Variants in C12orf42 observed in about 807,000 individuals in gnomAD.
C12orf42 encodes the protein uncharacterized protein C12orf42.
C12orf42 carries 25 observed loss-of-function variants against 21.6 expected under a neutral mutation model. That is an observed-to-expected ratio of 1.16 (90% CI 0.84 to 1.62). The LOEUF (loss-of-function observed/expected upper bound fraction) is 1.62. Ranked by LOEUF, C12orf42 falls within the 40% of genes most tolerant of loss-of-function variation. C12orf42 has a pLI of 0.00. For synonymous variants in C12orf42, 174 were observed against 175.0 expected, an observed-to-expected ratio of 0.99 and a Z score of 0.05; for missense variants, 483 against 459.3, an observed-to-expected ratio of 1.05 and a Z score of -0.47.
rs763931253 is a variant in C12orf42, at chr12:103,294,568, A to AAAGGAAGG, written n.338-17366_338-17359dup. 7.8e-3 allele frequency among the ~76,000 whole-genome samples: 938 copies of AAAGGAAGG among 119,524 alleles called. 15 individuals are homozygous for AAAGGAAGG. Among genetic ancestry groups the AAAGGAAGG allele is most frequent in the African/African-American group, 0.021 (659 of 31,232 alleles). The allele number at this position is 119,524 out of a possible 152,430, so 78.4% of individuals were successfully genotyped here. On this transcript the variant is annotated intron_variant and non_coding_transcript_variant, in intron 4 of 6. Coordinates refer to the C12orf42 transcript ENST00000546526. The stretch of plus-strand genomic sequence containing the variant: ...AAGAAAGAAAGAAAGAAAGAAAAAG[A>AAAGGAAGG]AAGGAAGGAAGGAAGGAAAGAAAGA...
At chr12:103,417,825 T>G (rs2049498224) in intron 2 of C12orf42, among the ~76,000 whole-genome samples, 1 of 152,152 alleles carries the variant, frequency 6.6e-6, no homozygotes, top group Non-Finnish European at 1.5e-5. Context: ...AGATAATGAA[T>G]CATTGGATAA....
chr12:103,233,370 G>T (rs945777831), downstream of C12orf42, among the ~76,000 whole-genome samples: 1 of 152,102 alleles, frequency 6.6e-6, no homozygotes, highest in East Asian at 1.9e-4. Context: ...TAATCTTTGA[G>T]GATTTTGATT....
chr12:103,368,538 G>A (rs1285701744), intron 4 of C12orf42, among the ~76,000 whole-genome samples: 2 of 152,152 alleles, frequency 1.3e-5, no homozygotes, highest in African/African-American at 4.8e-5. Flanking sequence ...AAAGAAGAGC[G>A]TTTCTGTACT....
At chr12:103,205,969 T>C in the C12orf42 span, among the ~76,000 whole-genome samples, 1 of 152,204 alleles carries the variant, frequency 6.6e-6, no homozygotes, top group Non-Finnish European at 1.5e-5. Context: ...GATTCCCTCT[T>C]GACATCCCAT....
chr12:103,159,184 A>C, the C12orf42 span, among the ~76,000 whole-genome samples: 104 of 152,282 alleles, frequency 6.8e-4, no homozygotes, highest in East Asian at 0.017. Context: ...AGTATACATA[A>C]AGGCTACAAT....
chr12:103,324,368 T>A (rs912453902), intron 4 of C12orf42, among the ~76,000 whole-genome samples: 2 of 152,066 alleles, frequency 1.3e-5, no homozygotes. Flanking sequence ...ATTACAGATA[T>A]TAATTAATAA....
the C12orf42 span, among the ~76,000 whole-genome samples, chr12:103,192,554 G>C: frequency 0.096 from 14,285 of 149,000 alleles, 826 homozygotes; most frequent in East Asian, 0.2. Flanking sequence ...GGTGGAAAAA[G>C]ATATTCCATG....
the C12orf42 span, among the ~76,000 whole-genome samples, chr12:103,149,068 A>G: frequency 6.6e-6 from 1 of 152,308 alleles, no homozygotes; most frequent in South Asian, 2.1e-4. Context: ...CACATACCCA[A>G]CTACTTGATA....
chr12:103,301,388 G>T (rs2037638350), downstream of C12orf42, among the ~76,000 whole-genome samples: 1 of 151,952 alleles, frequency 6.6e-6, no homozygotes, highest in Non-Finnish European at 1.5e-5. Flanking sequence ...AAAATCAATT[G>T]ATAAAGTTGG....
At chr12:103,348,562 GT>G (rs1466862872) in intron 4 of C12orf42, among the ~76,000 whole-genome samples, 1 of 152,130 alleles carries the variant, frequency 6.6e-6, no homozygotes, top group Non-Finnish European at 1.5e-5. Flanking sequence ...TTCATACAAT[GT>G]TACCTATAAG....
chr12:103,109,515 C>T, the C12orf42 span, among the ~76,000 whole-genome samples: 18 of 151,500 alleles, frequency 1.2e-4, no homozygotes, highest in African/African-American at 4.4e-4. Context: ...GGTTAAAGCT[C>T]TAGATGTGAA....
chr12:103,306,893 A>G, intron 4 of C12orf42, among the ~76,000 whole-genome samples: 1 of 127,210 alleles, frequency 7.9e-6, no homozygotes. Flanking sequence ...GAGACACACA[A>G]GAGAATGCCA....
the C12orf42 span, among the ~76,000 whole-genome samples, chr12:103,097,389 A>G: frequency 6.6e-6 from 1 of 152,260 alleles, no homozygotes; most frequent in Non-Finnish European, 1.5e-5. Flanking sequence ...TATGTAGTGC[A>G]TGTCTTAGGA....
chr12:103,207,046 G>A, the C12orf42 span, among the ~76,000 whole-genome samples: 2 of 152,164 alleles, frequency 1.3e-5, no homozygotes, highest in South Asian at 4.1e-4. Flanking sequence ...TAGCTCTGTG[G>A]CATGCTTTCA....
chr12:103,562,559 A>G, the C12orf42 span, among the ~76,000 whole-genome samples: 1 of 152,326 alleles, frequency 6.6e-6, no homozygotes, highest in Admixed American at 6.5e-5. Flanking sequence ...TCCTTACCTC[A>G]GCATGGCTTA....
chr12:103,423,263 C>T (rs111420379), intron 2 of C12orf42, among the ~76,000 whole-genome samples: 1 of 152,196 alleles, frequency 6.6e-6, no homozygotes, highest in Admixed American at 6.5e-5. Flanking sequence ...GCCCTCCCCC[C>T]CTTGGCCCCT....
intron 2 of C12orf42, among the ~76,000 whole-genome samples, chr12:103,406,163 A>C (rs1485753792): frequency 6.6e-6 from 1 of 152,198 alleles, no homozygotes; most frequent in Admixed American, 6.5e-5. Context: ...CTACTAATCC[A>C]GGGCTTCTTA....
chr12:103,285,394 G>A (rs553989489), intron 4 of C12orf42, among the ~76,000 whole-genome samples: 3 of 152,282 alleles, frequency 2.0e-5, no homozygotes, highest in African/African-American at 7.2e-5. Context: ...TTGGAACTTG[G>A]ATTAGGGCTT....
chr12:103,200,560 T>G, the C12orf42 span, among the ~76,000 whole-genome samples: 5 of 152,198 alleles, frequency 3.3e-5, no homozygotes, highest in Admixed American at 6.5e-5. Flanking sequence ...TAGATTGAGG[T>G]GATGGCTTCG....
Sources: allele counts gnomAD v4.1 joint callset (sites outside exome capture counted in the v4.1 genomes callset), GRCh38; gene constraint gnomAD v4.1.1; transcripts MANE v1.5; gene names NCBI Gene and HGNC (gene_info 2026-07-23, HGNC 2026-07-21).